The following TRMT11 variants were observed in gnomAD, a reference collection of about 807,000 sequenced individuals.
The protein encoded by TRMT11 is tRNA (guanine(10)-N(2))-methyltransferase TRMT11.
A neutral mutation model predicts 62.8 loss-of-function variants in TRMT11; 53 were observed. The observed-to-expected ratio is 0.84, with a 90% CI of 0.68 to 1.06. The LOEUF (loss-of-function observed/expected upper bound fraction) is 1.06. Among genes scored for constraint, TRMT11 ranks in the 50% least tolerant of loss-of-function variants. TRMT11 has a pLI of 0.00. For missense variants in TRMT11, 556 were observed against 553.4 expected, an observed-to-expected ratio of 1.00 and a Z score of -0.05; for synonymous variants, 188 against 190.3, an observed-to-expected ratio of 0.99 and a Z score of 0.10.
the TRMT11 span, among the ~76,000 whole-genome samples, chr6:126,225,346 C>T: frequency 6.6e-6 from 1 of 152,156 alleles, no homozygotes; most frequent in Non-Finnish European, 1.5e-5. Context: ...CTATTTAATT[C>T]ATCCCTTCTC....
In TRMT11 at chr6:126,142,036, T is replaced by C. The variant is rs552005172; in HGVS notation, c.*1823+26181T>C. Among the ~76,000 whole-genome samples the C allele has an allele frequency of 3.3e-5, 5 of 152,214 alleles. No individual in the cohort carries two copies. The South Asian group carries it at 8.3e-4, about 25-fold the overall frequency. The stretch of plus-strand genomic sequence containing the variant: ...AAGTGGCTAGAGGTTTGTGTCCTTT[T>C]TATACTTCCTTGCATTATTCTCCTC... On this transcript the variant is annotated intron_variant and NMD_transcript_variant, in intron 21 of 22. Transcript: ENST00000648977.
intron 1 of TRMT11, among the ~76,000 whole-genome samples, chr6:125,991,259 A>C (rs1790578004): frequency 6.6e-6 from 1 of 151,414 alleles, no homozygotes; most frequent in Non-Finnish European, 1.5e-5. Context: ...AAAAAAAAAA[A>C]AATTTTTTTT....
intron 17 of TRMT11, among the ~76,000 whole-genome samples, chr6:126,108,419 G>A (rs756104134): frequency 3.9e-5 from 6 of 152,108 alleles, no homozygotes; most frequent in Non-Finnish European, 7.4e-5. Context: ...CTAATAGATG[G>A]CATTTGTTCA....
At chr6:126,169,286 A>AT (rs983043368) in intron 21 of TRMT11, among the ~76,000 whole-genome samples, 20 of 151,548 alleles carry the variant, frequency 1.3e-4, no homozygotes, top group South Asian at 2.1e-4. Context: ...CTTCTGCAAT[A>AT]TTTTTTTTTC....
intron 16 of TRMT11, among the ~76,000 whole-genome samples, chr6:126,048,012 C>G (rs1776110113): frequency 6.6e-6 from 1 of 152,182 alleles, no homozygotes; most frequent in Admixed American, 6.5e-5. Context: ...TCAATGACAT[C>G]TTGGATTTAC....
intron 2 of TRMT11, 72 bp downstream of exon 2, chr6:125,993,894 G>A (rs1164517834): frequency 1.2e-6 from 1 of 841,236 alleles, no homozygotes; most frequent in Non-Finnish European, 1.9e-6. Context: ...GAGAAGAAGT[G>A]CATATCTTAA....
downstream of TRMT11, among the ~76,000 whole-genome samples, chr6:126,204,980 C>T (rs1778775662): frequency 6.6e-6 from 1 of 152,116 alleles, no homozygotes; most frequent in African/African-American, 2.4e-5. Flanking sequence ...TACAATACAG[C>T]CCTTTAAAAA....
At chr6:126,012,915 A>G in intron 10 of TRMT11, 55 bp from the exon 11 acceptor site, 1 of 1,610,032 alleles carries the variant, frequency 6.2e-7, no homozygotes, top group Non-Finnish European at 8.5e-7. Context: ...TTCCCCGTTA[A>G]CTTAGCACTC....
At chr6:126,220,290 T>C in the TRMT11 span, among the ~76,000 whole-genome samples, 3 of 152,204 alleles carry the variant, frequency 2.0e-5, no homozygotes, top group Non-Finnish European at 4.4e-5. Flanking sequence ...GTCTACTGCA[T>C]TTATTATTTT....
At chr6:126,166,014 T>A (rs1301455289) in intron 21 of TRMT11, among the ~76,000 whole-genome samples, 3 of 152,178 alleles carry the variant, frequency 2.0e-5, no homozygotes, top group Admixed American at 6.5e-5. Flanking sequence ...CTTGTCTTCA[T>A]GCTTTATTTC....
chr6:126,030,987 A>C (rs1464199824), intron 12 of TRMT11, among the ~76,000 whole-genome samples: 1 of 152,174 alleles, frequency 6.6e-6, no homozygotes, highest in African/African-American at 2.4e-5. Flanking sequence ...TTATATTGAT[A>C]GGGAGCGGTG....
the TRMT11 span, among the ~76,000 whole-genome samples, chr6:126,210,950 T>C: frequency 6.6e-6 from 1 of 151,570 alleles, no homozygotes; most frequent in Non-Finnish European, 1.5e-5. Flanking sequence ...CCCTGTAGCT[T>C]TGAGGCTAAA....
At chr6:126,090,176 A>G (rs1202528555) in intron 17 of TRMT11, among the ~76,000 whole-genome samples, 2 of 152,172 alleles carry the variant, frequency 1.3e-5, no homozygotes, top group Non-Finnish European at 2.9e-5. Context: ...GTACCTTATC[A>G]CTTGCTCTTT....
At chr6:126,153,985 A>G (rs1325194652) in intron 21 of TRMT11, among the ~76,000 whole-genome samples, 1 of 152,134 alleles carries the variant, frequency 6.6e-6, no homozygotes, top group Admixed American at 6.5e-5. Context: ...TGAGGCCCCC[A>G]TGTGCGGTCT....
intron 21 of TRMT11, among the ~76,000 whole-genome samples, chr6:126,144,567 C>T (rs1777954217): frequency 6.6e-6 from 1 of 152,080 alleles, no homozygotes; most frequent in East Asian, 1.9e-4. Context: ...TAGTAGTTTG[C>T]CTCTCCCCAA....
chr6:126,185,287 C>T (rs1324783441), intron 1 of TRMT11, among the ~76,000 whole-genome samples: 2 of 152,096 alleles, frequency 1.3e-5, no homozygotes, highest in African/African-American at 4.8e-5. Flanking sequence ...TATCTTTACT[C>T]CTACAGTCTT....
At chr6:126,074,850 A>G (rs1349096941) in intron 17 of TRMT11, among the ~76,000 whole-genome samples, 1 of 152,224 alleles carries the variant, frequency 6.6e-6, no homozygotes. Flanking sequence ...AATTATTTTC[A>G]AGACTAGCTG....
chr6:126,199,372 C>T (rs1778709523), intron 2 of TRMT11, among the ~76,000 whole-genome samples: 1 of 152,138 alleles, frequency 6.6e-6, no homozygotes. Context: ...ATCTCAGGCT[C>T]AGGCTCTGCA....
At chr6:126,120,341 T>C (rs1028248882) in intron 21 of TRMT11, among the ~76,000 whole-genome samples, 1 of 152,124 alleles carries the variant, frequency 6.6e-6, no homozygotes, top group African/African-American at 2.4e-5. Context: ...AAGAAAGGAA[T>C]TTTAATAGTG....
Sources: gnomAD v4.1 joint callset for allele counts (sites outside exome capture counted in the v4.1 genomes callset) on GRCh38, gnomAD v4.1.1 for gene constraint, MANE v1.5 for transcripts, NCBI Gene and HGNC (gene_info 2026-07-23, HGNC 2026-07-21) for gene names.